CPNE4: variants seen among roughly 807,000 people sequenced by gnomAD.
CPNE4 encodes the protein copine 4.
In CPNE4, 25 loss-of-function variants were observed where a neutral mutation model predicts 67.9. The ratio of observed to expected loss-of-function variants is 0.37; its 90% CI spans 0.27 to 0.51. The LOEUF (loss-of-function observed/expected upper bound fraction) is 0.51. CPNE4 is among the 20% of genes least tolerant of loss of function. CPNE4 has a pLI of 0.93. For synonymous variants in CPNE4, 242 were observed against 244.9 expected (o/e 0.99, Z 0.11); for missense variants, 464 against 690.8 (o/e 0.67, Z 3.68).
intron 2 of CPNE4, among the ~76,000 whole-genome samples, chr3:131,851,874 T>A (rs914175926): frequency 1.3e-5 from 2 of 151,970 alleles, no homozygotes; most frequent in South Asian, 4.1e-4. Flanking sequence ...TGGGCAGAAG[T>A]GGATTTCCTG....
chr3:131,875,589 C>A (rs2087410402), intron 2 of CPNE4, among the ~76,000 whole-genome samples: 1 of 151,668 alleles, frequency 6.6e-6, no homozygotes, highest in African/African-American at 2.4e-5. Context: ...GGACAAAAAA[C>A]CAAACACCGC....
chr3:131,550,065 A>G lies in CPNE4; in HGVS notation c.1184T>C (p.Val395Ala). 2.5e-6 allele frequency: 4 copies of G among 1,613,082 alleles called. No individual in the cohort carries two copies. Among genetic ancestry groups the G allele is most frequent in the Non-Finnish European group, 3.4e-6 (4 of 1,179,350 alleles). ...AGGAAGACAGCTCTGATAGGCTTCCACAACTCCTTGAATTCCTGAGGTGAA... is the reference window on the plus strand; with the variant it reads ...AGGAAGACAGCTCTGATAGGCTTCCGCAACTCCTTGAATTCCTGAGGTGAA... ...NPECAGIQGV[V>A]EAYQSCLPKL... The change falls in exon 14 of 16, where the codon GTG (valine) becomes GCG (alanine). Residue 395 changes from valine to alanine, a missense_variant. By Grantham distance (64) the Val-to-Ala change is moderately conservative. Around this residue, in one of 6 missense-constraint regions of CPNE4, gnomAD observed 201 missense variants for 357.7 expected, o/e 0.56. Transcript: ENST00000429747.
chr3:131,568,384 T>C (rs908335494), intron 10 of CPNE4, among the ~76,000 whole-genome samples: 1 of 151,936 alleles, frequency 6.6e-6, no homozygotes, highest in African/African-American at 2.4e-5. Flanking sequence ...CAGTGAAAGA[T>C]GGGATTAAGT....
chr3:131,549,497 G>C (rs776124110), intron 14 of CPNE4, among the ~76,000 whole-genome samples: 2 of 152,090 alleles, frequency 1.3e-5, no homozygotes, highest in Admixed American at 6.6e-5. Flanking sequence ...AATTTTTGCT[G>C]TGATGTTTTG....
At chr3:131,877,088 T>C (rs965292283) in intron 2 of CPNE4, among the ~76,000 whole-genome samples, 4 of 152,130 alleles carry the variant, frequency 2.6e-5, no homozygotes, top group Admixed American at 2.0e-4. Context: ...ATGATTAGTT[T>C]TCCATCCTCT....
intron 2 of CPNE4, among the ~76,000 whole-genome samples, chr3:131,813,439 A>G (rs546444404): frequency 6.7e-6 from 1 of 149,396 alleles, no homozygotes; most frequent in South Asian, 2.1e-4. Flanking sequence ...CATACAATAT[A>G]GAAAAATACA....
chr3:131,688,598 G>A (rs2080954181), intron 5 of CPNE4, among the ~76,000 whole-genome samples: 1 of 152,130 alleles, frequency 6.6e-6, no homozygotes. Flanking sequence ...TCTTTAAATA[G>A]ATTGTTGGTC....
At chr3:131,671,557 G>A (rs894082932) in intron 6 of CPNE4, among the ~76,000 whole-genome samples, 3 of 151,950 alleles carry the variant, frequency 2.0e-5, no homozygotes, top group African/African-American at 7.3e-5. Flanking sequence ...GAAAGCAAGA[G>A]AAATCAATGT....
At chr3:131,619,644 A>C (rs1940355500) in intron 7 of CPNE4, among the ~76,000 whole-genome samples, 1 of 152,178 alleles carries the variant, frequency 6.6e-6, no homozygotes, top group Non-Finnish European at 1.5e-5. Context: ...CTGATTTCTA[A>C]GCCCGTCCTA....
At chr3:131,963,130 C>T (rs1583524269) in intron 1 of CPNE4, among the ~76,000 whole-genome samples, 1 of 152,176 alleles carries the variant, frequency 6.6e-6, no homozygotes, top group South Asian at 2.1e-4. Flanking sequence ...GGCGTTGCCT[C>T]ACCCGGGAAG....
chr3:131,766,714 AC>A (rs2083026360), intron 2 of CPNE4, among the ~76,000 whole-genome samples: 1 of 152,216 alleles, frequency 6.6e-6, no homozygotes, highest in South Asian at 2.1e-4. Context: ...ATACAGCCGT[AC>A]AAAATGCTCG....
chr3:131,668,243 G>A (rs1419358956), intron 7 of CPNE4, among the ~76,000 whole-genome samples: 1 of 152,202 alleles, frequency 6.6e-6, no homozygotes, highest in Non-Finnish European at 1.5e-5. Flanking sequence ...TAACCAATCA[G>A]ATGGGATTCT....
At chr3:132,037,989 CTTTTA>C, upstream of CPNE4, 1 of 128,204 alleles carries the variant, frequency 7.8e-6, no homozygotes, top group East Asian at 2.0e-4. Flanking sequence ...TTTCTGTTTC[CTTTTA>C]TTTTCTTTCT....
At position 131,801,422 on chromosome 3, in the gene CPNE4, G is replaced by GTGTGTGTA. The variant is rs1394303134; in HGVS notation, c.181-77798_181-77797insTACACACA. ...TATATAGGTACATATATACGTGTGT[G>GTGTGTGTA]TGTGTGTGTGTGTGTGTGTGTGTGT... On this transcript the variant is annotated intron_variant, in intron 2 of 15. Transcript: ENST00000429747. Among the ~76,000 whole-genome samples the GTGTGTGTA allele has an allele frequency of 2.8e-3, 123 of 43,720 alleles. 1 individual carries two copies. Among genetic ancestry groups the GTGTGTGTA allele is most frequent in the Non-Finnish European group, 4.7e-3 (92 of 19,760 alleles). 28.7% of individuals were successfully genotyped at this position (43,720 alleles called of 152,430 possible). A position where few individuals can be genotyped will look rare whatever the true frequency, so the allele number is the denominator to read the frequency against.
chr3:131,881,739 G>C (rs1355780), intron 2 of CPNE4, among the ~76,000 whole-genome samples: 96,306 of 151,882 alleles, frequency 0.63, 30,755 homozygotes, highest in Admixed American at 0.73. Flanking sequence ...AGAATGAATC[G>C]TTTTTAAGAA....
In CPNE4 at chr3:131,642,645, G is replaced by A. The variant is rs550366551; in HGVS notation, c.681+27030C>T. 1.8e-4 allele frequency among the ~76,000 whole-genome samples: 28 copies of A among 152,272 alleles called. 1 individual carries two copies. Among genetic ancestry groups the A allele is most frequent in the Admixed American group, 3.9e-4 (6 of 15,302 alleles). On this transcript the variant is annotated intron_variant, in intron 7 of 15. Transcript: ENST00000429747. ...GGGAGGTAATTGAATCGTGGGGGCA[G>A]TTACCCCCATGCTGCTGTTCTCATA...
chr3:131,876,875 G>C (rs2087483097), intron 2 of CPNE4, among the ~76,000 whole-genome samples: 1 of 152,082 alleles, frequency 6.6e-6, no homozygotes, highest in South Asian at 2.1e-4. Context: ...AGATGCACCA[G>C]CACCAGCACA....
chr3:131,995,206 T>C (rs1254674466), intron 1 of CPNE4, among the ~76,000 whole-genome samples: 1 of 152,012 alleles, frequency 6.6e-6, no homozygotes, highest in Non-Finnish European at 1.5e-5. Context: ...ACACACACTC[T>C]CACACACTCA....
chr3:131,583,783 C>G (rs1582842960), intron 8 of CPNE4, among the ~76,000 whole-genome samples: 1 of 152,104 alleles, frequency 6.6e-6, no homozygotes, highest in African/African-American at 2.4e-5. Flanking sequence ...TAACTATGGG[C>G]TATGCACTTT....
Sources: gnomAD v4.1 joint callset for allele counts (sites outside exome capture counted in the v4.1 genomes callset) on GRCh38, gnomAD v4.1.1 for gene constraint, gnomAD v4.1.1 regional missense constraint, MANE v1.5 for transcripts, NCBI Gene and HGNC (gene_info 2026-07-23, HGNC 2026-07-21) for gene names.